NBPF12: variants seen among roughly 807,000 people sequenced by gnomAD.
The protein encoded by NBPF12 is NBPF member 12, also known as NBPF family member NBPF12.
NBPF12 carries 115 observed loss-of-function variants against 146.4 expected under a neutral mutation model. That is an observed-to-expected ratio of 0.79 (90% confidence interval 0.68 to 0.92). NBPF12 has a LOEUF of 0.92. Ranked by LOEUF, NBPF12 falls within the 40% of genes least tolerant of loss-of-function variation. The probability of loss-of-function intolerance (pLI) is 0.00; values close to 1 mark genes in which losing one functional copy is unlikely to be tolerated. For missense variants in NBPF12, 1,205 were observed against 1,326.8 expected, an observed-to-expected ratio of 0.91 and a Z score of 1.43; for synonymous variants, 385 against 508.9, an observed-to-expected ratio of 0.76 and a Z score of 3.28.
chr1:146,994,547 T>G (rs781783106), exon 34 of NBPF12: 3 of 1,609,204 alleles, frequency 1.9e-6, no homozygotes, highest in Non-Finnish European at 2.5e-6. Flanking sequence ...CACCTGGTCT[T>G]CCAGATGGGA....
At position 146,963,087 on chromosome 1, in the gene NBPF12, C is replaced by T. The variant is rs2101850648; in HGVS notation, c.279-8C>T. On this transcript the variant is annotated splice_region_variant and splice_polypyrimidine_tract_variant and intron_variant, in intron 5 of 33. Coordinates refer to ENST00000617844, the Ensembl canonical transcript of NBPF12. ...CACTGTTAAATTTTCTCTACCGTCT[C>T]ACCTTAGGCAATATAAAGTCCTGGT... The T allele has an allele frequency of 4.3e-6, 7 of 1,609,960 alleles. No individual in the cohort carries two copies. The East Asian group carries it at 8.9e-5, about 21-fold the overall frequency.
chr1:146,955,013 T>TACACACAC lies in NBPF12; in HGVS notation c.-184+3532_-184+3539dup, dbSNP rs1228510348. Among the ~76,000 whole-genome samples, 3 of 67,502 alleles carry TACACACAC rather than the reference T, an allele frequency of 4.4e-5. No homozygotes were observed. The Admixed American group carries it at 6.0e-4, about 13-fold the overall frequency. 44.3% of individuals were successfully genotyped at this position (67,502 alleles called of 152,430 possible). A position where few individuals can be genotyped will look rare whatever the true frequency, so the allele number is the denominator to read the frequency against. ...ATATATATATATATATATATATATA[T>TACACACAC]ACACACACACACACATATATATATT... On this transcript the variant is annotated intron_variant, in intron 2 of 33. Coordinates refer to ENST00000617844, the Ensembl canonical transcript of NBPF12.
intron 2 of NBPF12, among the ~76,000 whole-genome samples, chr1:146,955,030 A>G (rs1156866201): frequency 1.8e-5 from 2 of 113,042 alleles, no homozygotes; most frequent in African/African-American, 6.5e-5. Flanking sequence ...ACACACACAT[A>G]TATATATTGC....
At chr1:146,978,285 G>A (rs1458420511) in intron 18 of NBPF12, among the ~76,000 whole-genome samples, 4 of 89,338 alleles carry the variant, frequency 4.5e-5, no homozygotes, top group African/African-American at 9.1e-5. Flanking sequence ...TTTTTTTTGC[G>A]ATGGAGTCCT....
At position 146,971,949 on chromosome 1, in the gene NBPF12, G is replaced by A. The variant is rs1553886552; in HGVS notation, c.1591+555G>A. 5.4e-5 allele frequency among the ~76,000 whole-genome samples: 8 copies of A among 149,276 alleles called. 1 individual carries two copies. The highest frequency in any genetic ancestry group is 1.0e-4 in the African/African-American group (4 of 39,614). ...AAAAAAAAAAAAAAATTAGCTGGGC[G>A]CGGTGTTGGGTGCCTGTAGTCTCAG... On this transcript the variant is annotated intron_variant, in intron 13 of 33. Transcript: ENST00000617844.
Position 146,982,984 on chromosome 1 carries a change from A to G in NBPF12, c.2507A>G (p.Tyr836Cys), listed in dbSNP as rs1347863381. 1.8e-4 allele frequency: 291 copies of G among 1,609,562 alleles called. 10 individuals carry two copies. In the African/African-American group the frequency reaches 3.3e-3, roughly 18 times the overall value. Reference sequence around the variant, plus strand: ...CCCCAGGAGTCCTGGGATGAAGGTTATTCGACTCTCTCAATTCCTCCTGAA... The same window carrying G: ...CCCCAGGAGTCCTGGGATGAAGGTTGTTCGACTCTCTCAATTCCTCCTGAA... The change falls in exon 20 of 34, where the codon TAT becomes TGT. Residue 836 changes from tyrosine (Y) to cysteine (C), a missense_variant. Transcript: ENST00000617844.
chr1:146,971,747 A>G (rs1656630264), intron 13 of NBPF12, among the ~76,000 whole-genome samples: 2 of 150,894 alleles, frequency 1.3e-5, no homozygotes, highest in South Asian at 4.2e-4. Context: ...CTCTCAGGCT[A>G]GACTCTCTCT....
intron 10 of NBPF12, among the ~76,000 whole-genome samples, chr1:146,969,159 A>T (rs1430920700): frequency 6.6e-6 from 1 of 151,342 alleles, no homozygotes; most frequent in Non-Finnish European, 1.5e-5. Flanking sequence ...GGAAAGATGA[A>T]TGGAACATCA....
intron 13 of NBPF12, among the ~76,000 whole-genome samples, 200 bp from the exon 17 acceptor site, chr1:146,972,551 G>T (rs1285073071): frequency 3.3e-5 from 5 of 151,758 alleles, no homozygotes; most frequent in African/African-American, 9.7e-5. Flanking sequence ...AAGTGTTTAT[G>T]TCCTGGTTTC....
exon 34 of NBPF12, chr1:146,994,670 A>C: frequency 1.3e-6 from 2 of 1,564,338 alleles, no homozygotes; most frequent in Admixed American, 1.8e-5. Context: ...TTGGAAGCCC[A>C]GACATAGGAT....
chr1:146,947,706 A>C (rs1158661613), upstream of NBPF12, among the ~76,000 whole-genome samples: 1 of 141,102 alleles, frequency 7.1e-6, no homozygotes, highest in Non-Finnish European at 1.5e-5. Flanking sequence ...AAACATTTGG[A>C]AAGCAGACTT....
At chr1:146,968,649 G>A (rs1194629071) in intron 10 of NBPF12, 99 bp downstream of exon 13, 23 of 1,089,714 alleles carry the variant, frequency 2.1e-5, no homozygotes, top group Non-Finnish European at 2.8e-5. Flanking sequence ...TGGGCCAGGG[G>A]AAGGGCAGGA....
At chr1:146,994,884 C>T (rs1421771804) in exon 34 of NBPF12, 19 of 470,410 alleles carry the variant, frequency 4.0e-5, no homozygotes, top group Non-Finnish European at 7.2e-5. Context: ...ATTTTGCAGG[C>T]ATGTCTCTGA....
chr1:146,974,036 C>A (rs1314361738), intron 14 of NBPF12, among the ~76,000 whole-genome samples: 6 of 150,906 alleles, frequency 4.0e-5, no homozygotes, highest in African/African-American at 1.5e-4. Context: ...TACAATAATA[C>A]CTACCTCTGT....
chr1:146,948,121 C>T (rs1457050193), upstream of NBPF12, among the ~76,000 whole-genome samples: 1 of 151,890 alleles, frequency 6.6e-6, no homozygotes, highest in African/African-American at 2.4e-5. Context: ...AGTGATTCTC[C>T]TGCCTCGGCC....
At chr1:146,938,325 G>A (rs1393948570), upstream of NBPF12, among the ~76,000 whole-genome samples, 1 of 152,148 alleles carries the variant, frequency 6.6e-6, no homozygotes, top group Non-Finnish European at 1.5e-5. Context: ...GCGGAGCCCG[G>A]AAGTCAGACT....
At chr1:146,989,521 T>G (rs1658014499) in intron 27 of NBPF12, 53 bp from the exon 31 acceptor site, 1 of 1,242,140 alleles carries the variant, frequency 8.1e-7, no homozygotes, top group African/African-American at 1.4e-5. Flanking sequence ...TAGCTGGGGC[T>G]GTGTGATTTC....
chr1:146,955,837 AC>A (rs1655560387), intron 2 of NBPF12, among the ~76,000 whole-genome samples: 1 of 150,464 alleles, frequency 6.6e-6, no homozygotes, highest in African/African-American at 2.5e-5. Flanking sequence ...GTTTCTTCAG[AC>A]CCCCAGTAAA....
intron 20 of NBPF12, among the ~76,000 whole-genome samples, chr1:146,983,646 C>G: frequency 8.4e-6 from 1 of 119,466 alleles, no homozygotes; most frequent in South Asian, 3.6e-4. Context: ...AGATAAATGG[C>G]TTACTTTTCA....
Sources: gnomAD v4.1 joint callset for allele counts (sites outside exome capture counted in the v4.1 genomes callset) on GRCh38, gnomAD v4.1.1 for gene constraint, MANE v1.5 for transcripts, NCBI Gene and HGNC (gene_info 2026-07-23, HGNC 2026-07-21) for gene names.